The following DNMT3A variants were observed in gnomAD, a reference collection of about 807,000 sequenced individuals.
DNMT3A encodes the protein DNA (cytosine-5)-methyltransferase 3A.
A neutral mutation model predicts 117.6 loss-of-function variants in DNMT3A; 267 were observed. The observed-to-expected ratio is 2.27, with a 90% CI of 2.05 to 2.51. The LOEUF (loss-of-function observed/expected upper bound fraction) is 2.51. Ranked by LOEUF, DNMT3A falls within the 30% of genes most tolerant of loss-of-function variation. DNMT3A has a pLI of 0.00. For missense variants in DNMT3A, 1,029 were observed against 1,260.2 expected (o/e 0.82, Z 2.78); for synonymous variants, 432 against 474.8 (o/e 0.91, Z 1.17).
At position 25,252,493 on chromosome 2, in the gene DNMT3A, G is replaced by T. The variant is rs905535917; in HGVS notation, c.640-4241C>A. On this transcript the variant is annotated intron_variant, in intron 6 of 22. Coordinates refer to ENST00000321117, the MANE Select transcript of DNMT3A (RefSeq NM_022552.5). The surrounding 1 kb of genome is among the most constrained non-coding windows in gnomAD (Gnocchi z 5.5). ...CCCTCTTCTCCGGTCCGAGGGGCGC[G>T]GGGCCGGGGGGCGAGGCCGTTCCCC... is the stretch of plus-strand genomic sequence containing the variant. 6.6e-6 allele frequency among the ~76,000 whole-genome samples: 1 copy of T among 152,062 alleles called. No individual in the cohort carries two copies. Among genetic ancestry groups the T allele is most frequent in the South Asian group, 2.1e-4 (1 of 4,832 alleles).
rs2149278326 is a variant in DNMT3A at position 25,241,659 on chromosome 2, G to A, written c.1985C>T (p.Ala662Val). 6.2e-7 allele frequency: 1 copy of A among 1,614,100 alleles called. No homozygotes were observed. Among genetic ancestry groups the A allele is most frequent in the Non-Finnish European group, 8.5e-7 (1 of 1,179,994 alleles). The part of the protein sequence containing the change: ...DLGIQVDRYI[A>V]SEVCEDSITV... ...GATGGAGTCCTCACACACCTCCGAG[G>A]CAATGTAGCGGTCCACCTGAATGCC... The change falls in exon 17 of 23, where the codon GCC (alanine) becomes GTC (valine). Residue 662 changes from alanine (A) to valine (V), a missense_variant. Physicochemically the swap from Ala to Val is moderately conservative, Grantham distance 64. Transcript: ENST00000321117.
intron 16 of DNMT3A, among the ~76,000 whole-genome samples, chr2:25,242,922 T>TA: frequency 7.1e-6 from 1 of 139,986 alleles, no homozygotes; most frequent in East Asian, 2.2e-4. Flanking sequence ...ATAATAATAA[T>TA]AAAAAAAATA....
At chr2:25,297,578 T>C (rs2033168804) in intron 3 of DNMT3A, among the ~76,000 whole-genome samples, 1 of 151,182 alleles carries the variant, frequency 6.6e-6, no homozygotes, top group South Asian at 2.1e-4. Context: ...TGGCACAATC[T>C]TGGCTCACTG....
Position 25,300,752 on chromosome 2 carries a change from T to C in DNMT3A, c.73-509A>G, listed in dbSNP as rs187433792. On this transcript the variant is annotated intron_variant, in intron 2 of 22. Coordinates refer to ENST00000321117, the MANE Select transcript of DNMT3A (RefSeq NM_022552.5). ...ATATATATATATATATATATATATATATATATATATATATATAAATAATAC... is the reference window on the plus strand; with the variant it reads ...ATATATATATATATATATATATATACATATATATATATATATAAATAATAC... 1.3e-3 allele frequency among the ~76,000 whole-genome samples: 82 copies of C among 65,434 alleles called. 3 individuals carry two copies. Among genetic ancestry groups the C allele is most frequent in the African/African-American group, 5.4e-3 (77 of 14,296 alleles). The allele number at this position is 65,434 out of a possible 152,430, so 42.9% of individuals were successfully genotyped here. A position where few individuals can be genotyped will look rare whatever the true frequency, so the allele number is the denominator to read the frequency against.
At chr2:25,265,430 T>C (rs2030235359) in intron 6 of DNMT3A, among the ~76,000 whole-genome samples, 1 of 152,226 alleles carries the variant, frequency 6.6e-6, no homozygotes, top group African/African-American at 2.4e-5. Context: ...TGGAGTCTAG[T>C]TTTGCCCATT....
chr2:25,324,652 C>A (rs1042786883), intron 1 of DNMT3A, among the ~76,000 whole-genome samples: 1 of 152,134 alleles, frequency 6.6e-6, no homozygotes, highest in African/African-American at 2.4e-5. Flanking sequence ...CAGCTAGGGG[C>A]CAGGAGAAAG....
rs754506713 is a variant in DNMT3A, at chr2:25,244,249, C to T, written c.1757G>A (p.Cys586Tyr). The change falls in exon 15 of 23, where the codon TGC becomes TAC. Residue 586 changes from cysteine to tyrosine, a missense_variant. Cys to Tyr is a radical substitution (Grantham distance 194). Transcript: ENST00000321117. ...CAGCCCGTAGGTACCCTTGTGCCCGCACATGTAGCAGTTCCAGGGGTCTTC... is the reference window on the plus strand; with the variant it reads ...CAGCCCGTAGGTACCCTTGTGCCCGTACATGTAGCAGTTCCAGGGGTCTTC... ...IKEDPWNCYM[C>Y]GHKGTYGLLR... The T allele has an allele frequency of 2.5e-6, 4 of 1,613,876 alleles. No homozygotes were observed. Among genetic ancestry groups the T allele is most frequent in the African/African-American group, 1.3e-5 (1 of 74,928 alleles).
chr2:25,306,321 T>C lies in DNMT3A; in HGVS notation c.73-6078A>G, dbSNP rs1364683360. 6.6e-6 allele frequency among the ~76,000 whole-genome samples: 1 copy of C among 152,218 alleles called. No homozygotes were observed. The highest frequency in any genetic ancestry group is 1.5e-5 in the Non-Finnish European group (1 of 68,038). On this transcript the variant is annotated intron_variant, in intron 2 of 22. Transcript: ENST00000321117. The surrounding 1 kb of genome is among the most constrained non-coding windows in gnomAD (Gnocchi z 4.1). ...CAGAGCCCTCCAAAGCCCCCTACTT[T>C]TTCTGATCTCAGTCACCTCCCAAGG... is the stretch of plus-strand genomic sequence containing the variant.
rs981119893 is a variant in DNMT3A at position 25,231,421 on chromosome 2, CAGT to C, written c.*2855_*2857del. ...CTTAAACACCAATCTGTCGAGGAGACAGTAGATTGGGGTCCAGGACCAAGCACC... is the reference window on the plus strand; with the variant it reads ...CTTAAACACCAATCTGTCGAGGAGACAGATTGGGGTCCAGGACCAAGCACC... On this transcript the variant is annotated 3_prime_UTR_variant, in exon 23 of 23. Coordinates refer to ENST00000321117, the MANE Select transcript of DNMT3A (RefSeq NM_022552.5). The C allele has an allele frequency of 1.3e-5, 2 of 152,230 alleles. No individual in the cohort carries two copies. Among genetic ancestry groups the C allele is most frequent in the African/African-American group, 4.8e-5 (2 of 41,450 alleles). The allele number at this position is 152,230 out of a possible 1,614,324, so 9.4% of individuals were successfully genotyped here.
In DNMT3A at chr2:25,244,151, TCA is replaced by T. The variant is rs1228601968; in HGVS notation, c.1851+2_1851+3del. The T allele has an allele frequency of 2.5e-6, 4 of 1,613,884 alleles. No individual in the cohort carries two copies. The highest frequency in any genetic ancestry group is 1.1e-5 in the South Asian group (1 of 91,068). On this transcript the variant is annotated splice_donor_variant and splice_donor_region_variant and intron_variant, in intron 15 of 22. Coordinates refer to ENST00000321117, the MANE Select transcript of DNMT3A (RefSeq NM_022552.5). LOFTEE classifies it high-confidence loss of function. The stretch of plus-strand genomic sequence containing the variant: ...CGAGACCGCGCCCCAGGCCCAGCAC[TCA>T]CAAATTCCTGGTCGTGGTTATTAGC...
chr2:25,338,899 T>C (rs2035309516), intron 1 of DNMT3A, among the ~76,000 whole-genome samples: 1 of 152,160 alleles, frequency 6.6e-6, no homozygotes, highest in African/African-American at 2.4e-5. Context: ...TACTGTGAAT[T>C]GGACTTGAAA....
rs2149307598 is a variant in DNMT3A at position 25,247,646 on chromosome 2, C to T, written c.959G>A (p.Arg320Gln). 1.9e-6 allele frequency: 3 copies of T among 1,614,156 alleles called. No homozygotes were observed. Among genetic ancestry groups the T allele is most frequent in the Non-Finnish European group, 2.5e-6 (3 of 1,180,042 alleles). Residue 320 changes from arginine (R) to glutamine (Q), a missense_variant, in exon 8 of 23, where the codon CGA becomes CAA. Coordinates refer to ENST00000321117, the MANE Select transcript of DNMT3A (RefSeq NM_022552.5). The surrounding 1 kb of genome is among the most constrained non-coding windows in gnomAD (Gnocchi z 5.6). The stretch of plus-strand genomic sequence containing the variant: ...GACCCAGCGGGTGCCTTCAGCTGCT[C>T]GGCTCCGGCCCGTCATCCACCAAGA... ...IVSWWMTGRS[R>Q]AAEGTRWVMW... is the part of the protein sequence containing the mutation.
At chr2:25,249,379 C>T (rs1431174831) in intron 6 of DNMT3A, among the ~76,000 whole-genome samples, 2 of 152,188 alleles carry the variant, frequency 1.3e-5, no homozygotes, top group African/African-American at 4.8e-5. Context: ...AGCCCATCTC[C>T]CCCCAGCACA....
At position 25,257,338 on chromosome 2, in the gene DNMT3A, GCAGACATTCCCCCTGT is replaced by G. The variant is rs1676242918; in HGVS notation, c.640-9102_640-9087del. On this transcript the variant is annotated intron_variant, in intron 6 of 22. Coordinates refer to ENST00000321117, the MANE Select transcript of DNMT3A (RefSeq NM_022552.5). This position sits in a 1 kb window ranked among gnomAD's most constrained non-coding sequence, Gnocchi z 4.8. ...GCTCCTGGCTGATGCTCTAAGTGGG[GCAGACATTCCCCCTGT>G]CCCTCAGTAACCCATCTCCATGGAA... Among the ~76,000 whole-genome samples, 1 of 152,240 alleles carries G rather than the reference GCAGACATTCCCCCTGT, an allele frequency of 6.6e-6. No individual in the cohort carries two copies. The highest frequency in any genetic ancestry group is 1.9e-4 in the East Asian group (1 of 5,198).
At position 25,290,206 on chromosome 2, in the gene DNMT3A, G is replaced by A. The variant is rs557849101; in HGVS notation, c.178-7495C>T. Among the ~76,000 whole-genome samples the A allele has an allele frequency of 4.3e-4, 65 of 152,094 alleles. 1 individual carries two copies. The South Asian group carries it at 0.013, about 30-fold the overall frequency. Reference sequence around the variant, plus strand: ...CTCTGCTGCCCAGGCTGGAGTGCAGGGGTGTGACCATAGCTCCCTGCAGCC... The same window carrying A: ...CTCTGCTGCCCAGGCTGGAGTGCAGAGGTGTGACCATAGCTCCCTGCAGCC... On this transcript the variant is annotated intron_variant, in intron 3 of 22. Transcript: ENST00000321117.
chr2:25,265,186 G>A (rs1043841814), intron 6 of DNMT3A, among the ~76,000 whole-genome samples: 4 of 152,226 alleles, frequency 2.6e-5, no homozygotes, highest in Non-Finnish European at 5.9e-5. Context: ...AGGGAGGGGT[G>A]GTCGGGGAGG....
intron 1 of DNMT3A, among the ~76,000 whole-genome samples, chr2:25,325,731 T>C (rs181461768): frequency 3.9e-5 from 6 of 152,314 alleles, no homozygotes; most frequent in Admixed American, 6.5e-5. Context: ...TCTGGAGTGA[T>C]TGATCCTAGT....
Position 25,283,100 on chromosome 2 carries a change from C to T in DNMT3A, c.178-389G>A, listed in dbSNP as rs181917270. On this transcript the variant is annotated intron_variant, in intron 3 of 22. Transcript: ENST00000321117. ...TGCTCCGGCCAGGCGTGGTGGCTCA[C>T]ACCTGTAATCCCAGCACTTTGGGAG... is the stretch of plus-strand genomic sequence containing the variant. Among the ~76,000 whole-genome samples the T allele has an allele frequency of 1.5e-3, 225 of 152,284 alleles. 3 individuals are homozygous for T. The highest frequency in any genetic ancestry group is 5.2e-3 in the African/African-American group (214 of 41,546).
At position 25,247,716 on chromosome 2, in the gene DNMT3A, AC is replaced by A; in HGVS notation, c.888del (p.Trp297GlyfsTer19). ...DGRGFGIGELVWGKLRGFSWW... is the reference protein window; with the variant it reads ...DGRGFGIGELXWGKLRGFSWW... ...CAGGAGAAGCCCCGCAGTTTCCCCC[AC>A]ACCAGCTCCCCAATGCCAAAGCCCC... On this transcript the variant is annotated frameshift_variant, in exon 8 of 23. Coordinates refer to ENST00000321117, the MANE Select transcript of DNMT3A (RefSeq NM_022552.5). LOFTEE classifies it high-confidence loss of function. The surrounding 1 kb of genome is among the most constrained non-coding windows in gnomAD (Gnocchi z 5.6). 6.2e-7 allele frequency: 1 copy of A among 1,612,480 alleles called. No individual in the cohort carries two copies. The highest frequency in any genetic ancestry group is 8.5e-7 in the Non-Finnish European group (1 of 1,179,814).
Sources: allele counts gnomAD v4.1 joint callset (sites outside exome capture counted in the v4.1 genomes callset), GRCh38; gene constraint gnomAD v4.1.1; non-coding constraint Gnocchi (gnomAD v3.1); transcripts MANE v1.5; gene names NCBI Gene and HGNC (gene_info 2026-07-23, HGNC 2026-07-21).